Variants in PID1 observed in about 807,000 individuals in gnomAD.
PID1 encodes phosphotyrosine interaction domain containing 1, also known as PTB-containing, cubilin and LRP1-interacting protein.
A neutral mutation model predicts 19.1 loss-of-function variants in PID1; 10 were observed. The ratio of observed to expected loss-of-function variants is 0.52; its 90% CI spans 0.32 to 0.89. The LOEUF (loss-of-function observed/expected upper bound fraction) is 0.89, where lower values mean the gene tolerates loss of function less well. PID1 is among the 40% of genes least tolerant of loss of function. The pLI, the probability that PID1 is intolerant of heterozygous loss-of-function variation, is 0.03. For missense variants in PID1, 248 were observed against 285.3 expected, an observed-to-expected ratio of 0.87 and a Z score of 0.94; for synonymous variants, 130 against 116.0, an observed-to-expected ratio of 1.12 and a Z score of -0.78.
chr2:229,149,612 A>G (rs1345052766), intron 2 of PID1, among the ~76,000 whole-genome samples: 3 of 152,192 alleles, frequency 2.0e-5, no homozygotes, highest in African/African-American at 7.2e-5. Flanking sequence ...AAGGAATCTC[A>G]AAAAAGGCAA....
intron 1 of PID1, among the ~76,000 whole-genome samples, chr2:229,263,159 C>T (rs1184494707): frequency 6.6e-6 from 1 of 152,100 alleles, no homozygotes; most frequent in Admixed American, 6.5e-5. Flanking sequence ...AACAGAAGTC[C>T]CAATTCACAT....
At chr2:229,262,911 C>A (rs183640405) in intron 1 of PID1, 1 of 1,485,468 alleles carries the variant, frequency 6.7e-7, no homozygotes, top group South Asian at 1.4e-5. Flanking sequence ...GGACATTAGT[C>A]ATTGGCTCTA....
intron 2 of PID1, among the ~76,000 whole-genome samples, chr2:229,118,685 C>A (rs937868336): frequency 1.3e-5 from 2 of 152,106 alleles, no homozygotes; most frequent in Non-Finnish European, 2.9e-5. Flanking sequence ...GCTGGCTACT[C>A]AAATAATGCT....
intron 1 of PID1, among the ~76,000 whole-genome samples, chr2:229,268,274 G>A (rs919101507): frequency 2.6e-5 from 4 of 152,134 alleles, no homozygotes; most frequent in African/African-American, 9.7e-5. Context: ...AGAAGTGTGG[G>A]TAACAATAAT....
intron 1 of PID1, among the ~76,000 whole-genome samples, chr2:229,198,494 A>T (rs1691425638): frequency 6.6e-6 from 1 of 152,042 alleles, no homozygotes; most frequent in Non-Finnish European, 1.5e-5. Context: ...AGGTTCCTGT[A>T]TACACTTGCC....
At chr2:229,213,826 G>T (rs1691788874) in intron 1 of PID1, among the ~76,000 whole-genome samples, 1 of 152,116 alleles carries the variant, frequency 6.6e-6, no homozygotes, top group African/African-American at 2.4e-5. Context: ...AGCTACCCAA[G>T]GACCCTTGAT....
At chr2:229,193,032 T>C (rs1451470699) in intron 1 of PID1, among the ~76,000 whole-genome samples, 1 of 152,186 alleles carries the variant, frequency 6.6e-6, no homozygotes, top group African/African-American at 2.4e-5. Context: ...TCTTATTGTA[T>C]AATAAATTAC....
chr2:229,189,403 C>T lies in PID1; in HGVS notation c.31-33439G>A, dbSNP rs188297146. The stretch of plus-strand genomic sequence containing the variant: ...AGGAGCCCAAAGAGAAATAAGAAAC[C>T]TCAAATGGTGGCTGGCTGCAGTGGC... On this transcript the variant is annotated intron_variant, in intron 1 of 2. Transcript: ENST00000392055. Among the ~76,000 whole-genome samples the T allele has an allele frequency of 5.3e-5, 8 of 152,298 alleles. No homozygotes were observed. The East Asian group carries it at 1.4e-3, about 26-fold the overall frequency.
chr2:229,228,608 T>C (rs1255652395), intron 1 of PID1, among the ~76,000 whole-genome samples: 2 of 152,202 alleles, frequency 1.3e-5, no homozygotes, highest in Non-Finnish European at 2.9e-5. Context: ...TATGGATAAA[T>C]TTTCTGCTTT....
intron 2 of PID1, among the ~76,000 whole-genome samples, chr2:229,121,061 T>C (rs1695508627): frequency 6.6e-6 from 1 of 152,170 alleles, no homozygotes; most frequent in Non-Finnish European, 1.5e-5. Flanking sequence ...AATAAACCTC[T>C]TATTTATAAA....
At chr2:229,130,831 G>A (rs1025878141) in intron 2 of PID1, among the ~76,000 whole-genome samples, 15 of 152,162 alleles carry the variant, frequency 9.9e-5, no homozygotes, top group African/African-American at 3.6e-4. Flanking sequence ...TCACAGTTCT[G>A]GAGGCTAGAA....
chr2:229,259,302 A>T (rs1461124669), intron 1 of PID1, among the ~76,000 whole-genome samples: 1 of 152,148 alleles, frequency 6.6e-6, no homozygotes, highest in Non-Finnish European at 1.5e-5. Context: ...ATTTTCTCCC[A>T]GCCTGAATCT....
chr2:229,174,910 G>C (rs1690787665), intron 1 of PID1, among the ~76,000 whole-genome samples: 1 of 152,156 alleles, frequency 6.6e-6, no homozygotes, highest in South Asian at 2.1e-4. Context: ...GTCCCTTTCA[G>C]TTCAACCCTT....
At chr2:229,203,104 A>G (rs1043383526) in intron 1 of PID1, among the ~76,000 whole-genome samples, 1 of 152,112 alleles carries the variant, frequency 6.6e-6, no homozygotes, top group African/African-American at 2.4e-5. Flanking sequence ...ATTCAGTAGG[A>G]GAAAGACATC....
chr2:229,070,713 A>G (rs1187059823), intron 2 of PID1, among the ~76,000 whole-genome samples: 1 of 152,154 alleles, frequency 6.6e-6, no homozygotes, highest in Non-Finnish European at 1.5e-5. Context: ...GCAGCTACAG[A>G]AGTGGCTTGA....
chr2:229,248,152 T>A (rs533792628), intron 1 of PID1, among the ~76,000 whole-genome samples: 58 of 152,308 alleles, frequency 3.8e-4, no homozygotes, highest in African/African-American at 1.3e-3. Context: ...ACCAACTAAC[T>A]CAGTGAAGTC....
chr2:229,108,299 C>G (rs914339740), intron 2 of PID1, among the ~76,000 whole-genome samples: 1 of 152,132 alleles, frequency 6.6e-6, no homozygotes, highest in Non-Finnish European at 1.5e-5. Context: ...TTAGGAGAGT[C>G]CAGTGTTTCC....
chr2:229,065,341 G>A (rs1021772761), intron 2 of PID1, among the ~76,000 whole-genome samples: 11 of 152,084 alleles, frequency 7.2e-5, no homozygotes, highest in South Asian at 2.1e-4. Flanking sequence ...TATGACATAC[G>A]TTATAAGCAA....
At chr2:229,101,740 T>C (rs1348461663) in intron 2 of PID1, among the ~76,000 whole-genome samples, 2 of 152,142 alleles carry the variant, frequency 1.3e-5, no homozygotes, top group Non-Finnish European at 2.9e-5. Flanking sequence ...ACCTTGACCT[T>C]CAGATCACCA....
Sources: allele counts gnomAD v4.1 joint callset (sites outside exome capture counted in the v4.1 genomes callset), GRCh38; gene constraint gnomAD v4.1.1; transcripts MANE v1.5; gene names NCBI Gene and HGNC (gene_info 2026-07-23, HGNC 2026-07-21).